The following DMD variants were observed in gnomAD, a reference collection of about 807,000 sequenced individuals.
The protein encoded by DMD is mutant dystrophin.
Under a neutral mutation model 330.1 loss-of-function variants are expected in DMD, and 63 were observed. The ratio of observed to expected loss-of-function variants is 0.19; its 90% CI spans 0.16 to 0.24. The LOEUF is 0.24. Ranked by LOEUF, DMD falls within the 10% of genes least tolerant of loss-of-function variation. DMD has a pLI of 1.00. For synonymous variants in DMD, 1,223 were observed against 959.8 expected, an observed-to-expected ratio of 1.27 and a Z score of -5.07; for missense variants, 3,344 against 2,684.1, an observed-to-expected ratio of 1.25 and a Z score of -5.43.
intron 51 of DMD, among the ~76,000 whole-genome samples, chrX:31,738,149 C>T (rs1407014787): frequency 9.0e-6 from 1 of 111,730 alleles, no homozygotes; most frequent in African/African-American, 3.2e-5. Flanking sequence ...TTTCTCAATT[C>T]TTGGTCCATT....
intron 7 of DMD, among the ~76,000 whole-genome samples, chrX:32,767,648 T>C (rs929012539): frequency 2.7e-5 from 3 of 111,766 alleles, no homozygotes; most frequent in Non-Finnish European, 5.7e-5. Flanking sequence ...TCTAATTACT[T>C]GGAGCCCATT....
At chrX:32,727,483 T>A (rs1389733621) in intron 7 of DMD, among the ~76,000 whole-genome samples, 1 of 110,690 alleles carries the variant, frequency 9.0e-6, no homozygotes, top group African/African-American at 3.3e-5. Context: ...TACACCTCTA[T>A]AATCACCTTA....
intron 2 of DMD, among the ~76,000 whole-genome samples, chrX:32,949,584 A>G (rs1001463560): frequency 3.6e-5 from 4 of 111,310 alleles, no homozygotes; most frequent in African/African-American, 1.3e-4. Context: ...TTCATCCCCT[A>G]TCATGCCACC....
intron 60 of DMD, among the ~76,000 whole-genome samples, chrX:31,360,715 T>C (rs2058895443): frequency 8.9e-6 from 1 of 112,065 alleles, no homozygotes; most frequent in Admixed American, 9.5e-5. Context: ...TTTGATGTAA[T>C]AGCAAATCAG....
At chrX:32,021,683 GT>G (rs1304912356) in intron 44 of DMD, among the ~76,000 whole-genome samples, 1 of 112,104 alleles carries the variant, frequency 8.9e-6, no homozygotes, top group African/African-American at 3.2e-5. Context: ...AAAGAAAAAG[GT>G]TAAATACATA....
intron 11 of DMD, among the ~76,000 whole-genome samples, chrX:32,623,463 C>A (rs5928050): frequency 0.065 from 7,199 of 110,687 alleles, 590 homozygotes; most frequent in African/African-American, 0.22. Flanking sequence ...GTAAAATACA[C>A]TGGCTAACAT....
At chrX:32,671,215 A>G (rs1379416123) in intron 9 of DMD, among the ~76,000 whole-genome samples, 3 of 110,838 alleles carry the variant, frequency 2.7e-5, no homozygotes, top group South Asian at 7.7e-4. Flanking sequence ...TACTTATATA[A>G]TGTTCTGAAT....
chrX:32,898,763 T>TGTTTTTCTCAC (rs2085959821), intron 2 of DMD, among the ~76,000 whole-genome samples: 5 of 111,412 alleles, frequency 4.5e-5, no homozygotes, highest in Admixed American at 2.9e-4. Flanking sequence ...TGCTGGTTTC[T>TGTTTTTCTCAC]GCTGTTTTTC....
At chrX:33,241,140 A>G (rs2052580135) in intron 1 of DMD, among the ~76,000 whole-genome samples, 1 of 111,786 alleles carries the variant, frequency 8.9e-6, no homozygotes, top group Non-Finnish European at 1.9e-5. Flanking sequence ...TGCCCAGATC[A>G]TAGTCATGGA....
intron 44 of DMD, among the ~76,000 whole-genome samples, chrX:32,112,034 C>A (rs948667796): frequency 2.7e-5 from 3 of 111,991 alleles, no homozygotes; most frequent in African/African-American, 6.5e-5. Context: ...ATTTGATTAG[C>A]TGATTTATTG....
At chrX:33,214,743 T>C (rs992750692), upstream of DMD, among the ~76,000 whole-genome samples, 11 of 112,018 alleles carry the variant, frequency 9.8e-5, no homozygotes, top group African/African-American at 3.2e-4. Context: ...AGTCTCAAAC[T>C]CCTGGGCTCA....
intron 2 of DMD, among the ~76,000 whole-genome samples, chrX:32,855,963 G>GA (rs1172485972): frequency 9.0e-6 from 1 of 111,013 alleles, no homozygotes. Context: ...CAACTCCATA[G>GA]AAAAAAATAT....
intron 1 of DMD, among the ~76,000 whole-genome samples, chrX:33,064,936 C>T (rs1280285470): frequency 9.0e-6 from 1 of 111,635 alleles, no homozygotes; most frequent in Non-Finnish European, 1.9e-5. Context: ...TATGGAATGG[C>T]CAACCACCAT....
intron 47 of DMD, among the ~76,000 whole-genome samples, chrX:31,910,171 T>G (rs919053303): frequency 9.1e-6 from 1 of 109,562 alleles, no homozygotes; most frequent in Non-Finnish European, 2.0e-5. Flanking sequence ...TATGTGGATG[T>G]GGATTTGTTG....
chrX:31,693,175 G>A (rs1027334017), intron 52 of DMD, among the ~76,000 whole-genome samples: 6 of 111,726 alleles, frequency 5.4e-5, no homozygotes, highest in African/African-American at 1.6e-4. Flanking sequence ...TACAAAAACC[G>A]TATGATCATT....
At chrX:33,268,659 G>A (rs760069275) in intron 1 of DMD, among the ~76,000 whole-genome samples, 7 of 111,923 alleles carry the variant, frequency 6.3e-5, no homozygotes, top group African/African-American at 2.3e-4. Context: ...GAGTGCAGTG[G>A]CTTGCGCCTG....
chrX:32,454,613 T>A lies in DMD; in HGVS notation c.3603+49A>T, dbSNP rs187863446. ...CAAGCATTGTTGCATTTCTTTCTTT[T>A]TCCATTTATTTCCTTTGTTTTACTT... On this transcript the variant is annotated intron_variant, in intron 26 of 78. Coordinates refer to ENST00000357033, the MANE Select transcript of DMD (RefSeq NM_004006.3). The A allele has an allele frequency of 6.0e-5, 62 of 1,037,525 alleles. 1 individual carries two copies. In the East Asian group the frequency reaches 1.8e-3, roughly 31 times the overall value. The allele number at this position is 1,037,525 out of a possible 1,213,427, so 85.5% of individuals were successfully genotyped here. A position where few individuals can be genotyped will look rare whatever the true frequency, so the allele number is the denominator to read the frequency against.
At position 32,682,676 on chromosome X, in the gene DMD, C is replaced by A. The variant is rs760765081; in HGVS notation, c.960+15194G>T. ...TTTTGTCCTTAGATGTTTCTGACAA[C>A]ATAAATTTAGCAGTGTAGCAGTTAT... On this transcript the variant is annotated intron_variant, in intron 9 of 78. Transcript: ENST00000357033. Among the ~76,000 whole-genome samples, 8 of 111,976 alleles carry A rather than the reference C, an allele frequency of 7.1e-5. No homozygotes were observed. The Admixed American group carries it at 7.6e-4, about 11-fold the overall frequency.
At chrX:32,003,793 CAG>C (rs1283322700) in intron 44 of DMD, among the ~76,000 whole-genome samples, 1 of 110,689 alleles carries the variant, frequency 9.0e-6, no homozygotes, top group Non-Finnish European at 1.9e-5. Context: ...TTTAAAAACA[CAG>C]AGTAGTTGGA....
Sources: allele counts gnomAD v4.1 joint callset (sites outside exome capture counted in the v4.1 genomes callset), GRCh38; gene constraint gnomAD v4.1.1; transcripts MANE v1.5; gene names NCBI Gene and HGNC (gene_info 2026-07-23, HGNC 2026-07-21).